ARHGEF4: variants seen among roughly 807,000 people sequenced by gnomAD.
ARHGEF4 encodes the protein APC-stimulated guanine nucleotide exchange factor 1.
Under a neutral mutation model 162.0 loss-of-function variants are expected in ARHGEF4, and 119 were observed. The ratio of observed to expected loss-of-function variants is 0.73; its 90% CI spans 0.63 to 0.86. The LOEUF is 0.86. Among genes scored for constraint, ARHGEF4 ranks in the 40% least tolerant of loss-of-function variants. The pLI, the probability that ARHGEF4 is intolerant of heterozygous loss-of-function variation, is 0.00. For missense variants in ARHGEF4, 2,488 were observed against 2,456.0 expected (o/e 1.01, Z -0.28); for synonymous variants, 1,014 against 979.9 (o/e 1.03, Z -0.65).
intron 4 of ARHGEF4, among the ~76,000 whole-genome samples, chr2:130,987,180 C>T (rs1486502680): frequency 1.3e-5 from 2 of 152,200 alleles, no homozygotes; most frequent in Admixed American, 6.5e-5. Flanking sequence ...ACCATCTGGG[C>T]AGGTCGTGGG....
intron 4 of ARHGEF4, among the ~76,000 whole-genome samples, chr2:130,964,664 A>ATGGAAGGGGGCCGCTGGCCGAGGG (rs1684887165): frequency 6.6e-6 from 1 of 152,136 alleles, no homozygotes; most frequent in Non-Finnish European, 1.5e-5. Context: ...AGCCAGGAGG[A>ATGGAAGGGGGCCGCTGGCCGAGGG]TGGAAGGGGG....
Position 130,914,422 on chromosome 2 carries a change from G to T in ARHGEF4, c.476G>T (p.Gly159Val). The T allele has an allele frequency of 6.9e-7, 1 of 1,442,522 alleles. No homozygotes were observed. The highest frequency in any genetic ancestry group is 9.1e-7 in the Non-Finnish European group (1 of 1,104,044). The allele number at this position is 1,442,522 out of a possible 1,614,324, so 89.4% of individuals were successfully genotyped here. The change falls in exon 2 of 14, where the codon GGA (glycine) becomes GTA (valine). Residue 159 changes from glycine to valine, a missense_variant. Gly to Val is a moderately radical substitution (Grantham distance 109, BLOSUM62 -3). Transcript: ENST00000409359. ...ACAGTTGCTGGAGAACAGGAGGCAG[G>T]ACACCTCTGGGACTGCGCGACCAGC... ...FATVAGEQEA[G>V]HLWDCATSLE...
chr2:130,893,662 T>C (rs1216533833), intron 1 of ARHGEF4, among the ~76,000 whole-genome samples: 1 of 152,150 alleles, frequency 6.6e-6, no homozygotes, highest in African/African-American at 2.4e-5. Context: ...TCTTCCCTAC[T>C]TTGCCTTCAG....
At chr2:130,961,273 G>A (rs367570244) in intron 4 of ARHGEF4, among the ~76,000 whole-genome samples, 85 of 152,292 alleles carry the variant, frequency 5.6e-4, no homozygotes, top group African/African-American at 1.9e-3. Flanking sequence ...GGGAGCAGAC[G>A]GGAGAAGCAG....
chr2:131,000,393 CT>C (rs573348053), intron 4 of ARHGEF4, among the ~76,000 whole-genome samples: 21 of 152,070 alleles, frequency 1.4e-4, no homozygotes, highest in Admixed American at 6.6e-4. Context: ...GGGAATCTGA[CT>C]TTTTTTGTTG....
intron 1 of ARHGEF4, among the ~76,000 whole-genome samples, chr2:130,839,224 C>T (rs1179415152): frequency 1.3e-5 from 2 of 152,094 alleles, no homozygotes; most frequent in Non-Finnish European, 2.9e-5. Flanking sequence ...TAAGGAATAC[C>T]CCGTGAGGAC....
At position 130,916,530 on chromosome 2, in the gene ARHGEF4, C is replaced by CA; in HGVS notation, c.2585dup (p.Ala863GlyfsTer23). On this transcript the variant is annotated frameshift_variant, in exon 2 of 14. Transcript: ENST00000409359. LOFTEE classifies it high-confidence loss of function. Reference sequence around the variant, plus strand: ...CAGCGCCTGGCCCGAGTTTGTCCCGCAGGCTGCAGGCGACAGGACTGCAGG... The same window carrying CA: ...CAGCGCCTGGCCCGAGTTTGTCCCGCAAGGCTGCAGGCGACAGGACTGCAGG... 2 of 1,549,810 alleles carry CA rather than the reference C, an allele frequency of 1.3e-6. No individual in the cohort carries two copies. Among genetic ancestry groups the CA allele is most frequent in the Non-Finnish European group, 1.7e-6 (2 of 1,146,884 alleles).
Position 130,873,905 on chromosome 2 carries a change from T to G in ARHGEF4, c.39+36913T>G, listed in dbSNP as rs561830363. On this transcript the variant is annotated intron_variant, in intron 1 of 13. Coordinates refer to ENST00000409359, the MANE Select transcript of ARHGEF4 (RefSeq NM_001367493.1). ...GGGTTCCTTGGTGCCCCCTGCCGGA[T>G]AGATTGCATCTAACGTTTTCCTGGG... Among the ~76,000 whole-genome samples the G allele has an allele frequency of 2.6e-5, 4 of 152,270 alleles. No individual in the cohort carries two copies. In the South Asian group the frequency reaches 8.3e-4, roughly 32 times the overall value.
Position 130,976,333 on chromosome 2 carries a change from G to A in ARHGEF4, c.3985+29698G>A, listed in dbSNP as rs560280806. ...TCAAAACTCATTCGGCCCCAGAATCGTGTGTGTGTGTGTGTCTGTGTGTGT... is the reference window on the plus strand; with the variant it reads ...TCAAAACTCATTCGGCCCCAGAATCATGTGTGTGTGTGTGTCTGTGTGTGT... On this transcript the variant is annotated intron_variant, in intron 4 of 13. Coordinates refer to ENST00000409359, the MANE Select transcript of ARHGEF4 (RefSeq NM_001367493.1). 1.2e-4 allele frequency among the ~76,000 whole-genome samples: 9 copies of A among 77,268 alleles called. No individual in the cohort carries two copies. The South Asian group carries it at 3.5e-3, about 30-fold the overall frequency. The allele number at this position is 77,268 out of a possible 152,430, so 50.7% of individuals were successfully genotyped here.
chr2:130,965,330 G>A (rs2105203089), intron 4 of ARHGEF4, among the ~76,000 whole-genome samples: 1 of 152,378 alleles, frequency 6.6e-6, no homozygotes, highest in South Asian at 2.1e-4. Flanking sequence ...GTTTGGGAGA[G>A]AGAAGTGAAG....
intron 1 of ARHGEF4, among the ~76,000 whole-genome samples, chr2:130,912,753 T>C (rs558238101): frequency 7.9e-5 from 12 of 152,210 alleles, no homozygotes; most frequent in Non-Finnish European, 1.5e-4. Context: ...AGTCATTGTA[T>C]GTACTGAGAC....
chr2:130,944,046 C>A (rs1252045695), intron 3 of ARHGEF4, among the ~76,000 whole-genome samples: 1 of 152,190 alleles, frequency 6.6e-6, no homozygotes, highest in Non-Finnish European at 1.5e-5. Context: ...CATTCCTGAA[C>A]ATACTTTTGC....
At chr2:131,036,644 G>T (rs1690307963) in intron 5 of ARHGEF4, among the ~76,000 whole-genome samples, 1 of 152,194 alleles carries the variant, frequency 6.6e-6, no homozygotes, top group South Asian at 2.1e-4. Flanking sequence ...GGGAATGGGG[G>T]CACCAGGCTT....
chr2:130,893,624 C>T (rs1679985891), intron 1 of ARHGEF4, among the ~76,000 whole-genome samples: 2 of 152,124 alleles, frequency 1.3e-5, no homozygotes, highest in African/African-American at 2.4e-5. Context: ...GTCACGTGGC[C>T]GGGCAGGGTG....
At chr2:130,846,074 G>T (rs187290675) in intron 1 of ARHGEF4, among the ~76,000 whole-genome samples, 2 of 152,216 alleles carry the variant, frequency 1.3e-5, no homozygotes, top group Non-Finnish European at 2.9e-5. Flanking sequence ...GCCCACCTCG[G>T]CCAGAAGGCA....
intron 4 of ARHGEF4, among the ~76,000 whole-genome samples, chr2:130,971,445 G>A (rs1217589330): frequency 6.6e-6 from 1 of 152,138 alleles, no homozygotes; most frequent in Non-Finnish European, 1.5e-5. Flanking sequence ...AGATCACGAG[G>A]TCAGGAGTTT....
intron 1 of ARHGEF4, among the ~76,000 whole-genome samples, chr2:130,909,766 A>G (rs6430414): frequency 0.77 from 116,841 of 152,088 alleles, 45,089 homozygotes; most frequent in East Asian, 0.91. Flanking sequence ...GCGGGGTGGC[A>G]GCCAGACCCT....
At position 131,041,355 on chromosome 2, in the gene ARHGEF4, G is replaced by A. The variant is rs751735454; in HGVS notation, c.4788G>A (p.Lys1596=). ...YFFEACRLLQ[K]MIDISLDGFL... ...TCGAGGCCTGCCGGCTGCTGCAGAA[G>A]ATGATTGACATCTCCCTGGATGGCT... The change falls in exon 9 of 14, where the codon AAG becomes AAA. Residue 1596 remains lysine, a synonymous_variant. Transcript: ENST00000409359. 7 of 1,613,674 alleles carry A rather than the reference G, an allele frequency of 4.3e-6. No individual in the cohort carries two copies. Among genetic ancestry groups the A allele is most frequent in the South Asian group, 3.3e-5 (3 of 91,090 alleles).
intron 5 of ARHGEF4, among the ~76,000 whole-genome samples, chr2:131,036,819 A>G (rs933767005): frequency 3.3e-5 from 5 of 152,126 alleles, no homozygotes; most frequent in African/African-American, 1.2e-4. Context: ...GGTCAGGGCC[A>G]TGTCACCTAC....
Sources: allele counts gnomAD v4.1 joint callset (sites outside exome capture counted in the v4.1 genomes callset), GRCh38; gene constraint gnomAD v4.1.1; transcripts MANE v1.5; gene names NCBI Gene and HGNC (gene_info 2026-07-23, HGNC 2026-07-21).